The following SUGP2 variants were observed in gnomAD, a reference collection of about 807,000 sequenced individuals.
SUGP2 encodes SURP and G-patch domain containing 2.
In SUGP2, 24 loss-of-function variants were observed where a neutral mutation model predicts 90.5. The ratio of observed to expected loss-of-function variants is 0.27; its 90% confidence interval spans 0.19 to 0.37. The LOEUF (loss-of-function observed/expected upper bound fraction) is 0.37, where lower values mean the gene tolerates loss of function less well. Among genes scored for constraint, SUGP2 ranks in the 10% least tolerant of loss-of-function variants. The pLI is 1.00. For synonymous variants in SUGP2, 473 were observed against 513.4 expected, an observed-to-expected ratio of 0.92 and a Z score of 1.06; for missense variants, 1,233 against 1,363.3, an observed-to-expected ratio of 0.90 and a Z score of 1.51.
At chr19:19,016,304 C>T (rs189156479) in intron 4 of SUGP2, among the ~76,000 whole-genome samples, 1 of 152,190 alleles carries the variant, frequency 6.6e-6, no homozygotes, top group Non-Finnish European at 1.5e-5. Flanking sequence ...CCACCATGCC[C>T]GGCCGCTTAT....
chr19:19,022,670 T>C (rs1027018883), intron 3 of SUGP2, among the ~76,000 whole-genome samples: 2 of 152,134 alleles, frequency 1.3e-5, no homozygotes, highest in Admixed American at 1.3e-4. Context: ...AGGTTATCGG[T>C]GACTTTTCTT....
chr19:18,994,354 C>CT lies in SUGP2; in HGVS notation c.*11dup, dbSNP rs1200269459. On this transcript the variant is annotated intron_variant, in intron 10 of 10. Coordinates refer to ENST00000452918, the MANE Select transcript of SUGP2 (RefSeq NM_001017392.5). ...AGGGCAGACGGCCTTACACACTGGC[C>CT]TGTGAACATACCTATTTGTTGGCCC... 1.2e-6 allele frequency: 2 copies of CT among 1,613,972 alleles called. No homozygotes were observed. The highest frequency in any genetic ancestry group is 2.2e-5 in the South Asian group (2 of 91,040).
intron 4 of SUGP2, among the ~76,000 whole-genome samples, chr19:19,016,084 A>G (rs1443799974): frequency 6.6e-6 from 1 of 152,054 alleles, no homozygotes; most frequent in Non-Finnish European, 1.5e-5. Context: ...GGGTGTCAGG[A>G]GTTGGTTGAG....
intron 4 of SUGP2, among the ~76,000 whole-genome samples, chr19:19,011,668 G>T (rs2058317419): frequency 6.6e-6 from 1 of 152,090 alleles, no homozygotes; most frequent in Non-Finnish European, 1.5e-5. Context: ...TGAATTTCCT[G>T]GGTGTGCTGT....
intron 8 of SUGP2, among the ~76,000 whole-genome samples, chr19:18,996,017 A>T (rs2057566137): frequency 6.6e-6 from 1 of 152,022 alleles, no homozygotes; most frequent in Admixed American, 6.6e-5. Context: ...TTCACTCATG[A>T]ATATTCATGA....
intron 4 of SUGP2, among the ~76,000 whole-genome samples, chr19:19,018,883 G>A (rs1238868452): frequency 6.6e-6 from 1 of 152,154 alleles, no homozygotes; most frequent in Non-Finnish European, 1.5e-5. Flanking sequence ...TGGAGCTGTA[G>A]TCACAGGTGA....
At chr19:19,026,488 C>A (rs1054533441) in intron 2 of SUGP2, among the ~76,000 whole-genome samples, 1 of 152,192 alleles carries the variant, frequency 6.6e-6, no homozygotes, top group Non-Finnish European at 1.5e-5. Flanking sequence ...TCAACCCAGG[C>A]TGGGCAGTAG....
chr19:18,994,896 T>C, intron 9 of SUGP2: 1 of 589,106 alleles, frequency 1.7e-6, no homozygotes, highest in Non-Finnish European at 3.0e-6. Context: ...TTTATGATGG[T>C]CACAAATGTG....
Position 19,004,479 on chromosome 19 carries a change from T to C in SUGP2, c.2618A>G (p.Glu873Gly), listed in dbSNP as rs766000048. Residue 873 changes from glutamate (E) to glycine (G), a missense_variant, in exon 7 of 11, where the codon GAG (glutamate) becomes GGG (glycine). Physicochemically the swap from Glu to Gly is moderately conservative, Grantham distance 98. This residue lies in a region of SUGP2 where 540 missense variants were observed against 542.6 expected (regional missense o/e 1.00). Coordinates refer to ENST00000452918, the MANE Select transcript of SUGP2 (RefSeq NM_001017392.5). ...CCGCGGAGGGGGCTCGTCTTCAAAC[T>C]CTGCTTCCCCTTCCATGAGGTCCAC... ...SPVDLMEGEA[E>G]FEDEPPPREA... is the part of the protein sequence containing the mutation. The C allele has an allele frequency of 3.1e-6, 5 of 1,614,074 alleles. No individual in the cohort carries two copies. The South Asian group carries it at 4.4e-5, about 14-fold the overall frequency.
chr19:19,013,018 C>T (rs2058362337), intron 4 of SUGP2, among the ~76,000 whole-genome samples: 1 of 152,160 alleles, frequency 6.6e-6, no homozygotes, highest in African/African-American at 2.4e-5. Context: ...CACCCGCCAC[C>T]ACACCCAGCT....
At chr19:19,001,049 T>C (rs2145329144) in intron 8 of SUGP2, among the ~76,000 whole-genome samples, 1 of 149,276 alleles carries the variant, frequency 6.7e-6, no homozygotes, top group South Asian at 2.1e-4. Context: ...GGAGTCTCAC[T>C]CTGTCGCCCA....
At chr19:19,015,416 T>C (rs1356062149) in intron 4 of SUGP2, among the ~76,000 whole-genome samples, 1 of 152,196 alleles carries the variant, frequency 6.6e-6, no homozygotes, top group Non-Finnish European at 1.5e-5. Flanking sequence ...AATTCAAACA[T>C]GCACACCAGA....
intron 1 of SUGP2, among the ~76,000 whole-genome samples, chr19:19,031,574 G>A (rs371774992): frequency 1.2e-4 from 18 of 150,122 alleles, no homozygotes; most frequent in African/African-American, 3.2e-4. Flanking sequence ...ATGGTGGCAC[G>A]TGCCTGTAAT....
At chr19:19,006,779 G>C (rs1318231593) in intron 6 of SUGP2, among the ~76,000 whole-genome samples, 2 of 152,142 alleles carry the variant, frequency 1.3e-5, no homozygotes, top group Non-Finnish European at 2.9e-5. Context: ...TGTAAGCCTG[G>C]TCAGGCTTCC....
At chr19:19,002,258 C>A (rs1209324257) in intron 7 of SUGP2, among the ~76,000 whole-genome samples, 1 of 151,836 alleles carries the variant, frequency 6.6e-6, no homozygotes, top group African/African-American at 2.4e-5. Context: ...CGGGAGCCTG[C>A]AATCCCAGCT....
intron 8 of SUGP2, among the ~76,000 whole-genome samples, chr19:18,996,928 G>A (rs1443441030): frequency 6.6e-6 from 1 of 152,082 alleles, no homozygotes; most frequent in Non-Finnish European, 1.5e-5. Context: ...TGAGAGGGAG[G>A]GAGGAAGGTG....
chr19:18,993,730 G>T lies in SUGP2; in HGVS notation c.*11C>A, dbSNP rs1171286003. The T allele has an allele frequency of 6.6e-6, 1 of 152,390 alleles. No individual in the cohort carries two copies. The highest frequency in any genetic ancestry group is 1.5e-5 in the Non-Finnish European group (1 of 68,032). The allele number at this position is 152,390 out of a possible 1,614,324, so 9.4% of individuals were successfully genotyped here. A position where few individuals can be genotyped will look rare whatever the true frequency, so the allele number is the denominator to read the frequency against. On this transcript the variant is annotated 3_prime_UTR_variant, in exon 11 of 11. Transcript: ENST00000452918. ...GCTTCAAGGCTTATCTTTCACATCA[G>T]TGGTTTTGATCTATTCAGGAAGAGA...
rs988530720 is a variant in SUGP2 at position 19,006,215 on chromosome 19, G to T, written c.2451-1569C>A. On this transcript the variant is annotated intron_variant, in intron 6 of 10. Transcript: ENST00000452918. ...AGCTTGGGCGACAGAGTGAAATTCC[G>T]TCTCAAAAATAAATAAATAAATAAA... is the stretch of plus-strand genomic sequence containing the variant. 6.4e-5 allele frequency among the ~76,000 whole-genome samples: 7 copies of T among 108,814 alleles called. No individual in the cohort carries two copies. The South Asian group carries it at 2.7e-3, about 42-fold the overall frequency. The allele number at this position is 108,814 out of a possible 152,430, so 71.4% of individuals were successfully genotyped here.
chr19:19,011,770 G>A (rs1321743555), intron 4 of SUGP2, among the ~76,000 whole-genome samples: 17 of 152,172 alleles, frequency 1.1e-4, no homozygotes, highest in Admixed American at 1.1e-3. Flanking sequence ...GCGGAAGCAG[G>A]TGGGTCGCTT....
Sources: gnomAD v4.1 joint callset for allele counts (sites outside exome capture counted in the v4.1 genomes callset) on GRCh38, gnomAD v4.1.1 for gene constraint, gnomAD v4.1.1 regional missense constraint, MANE v1.5 for transcripts, NCBI Gene and HGNC (gene_info 2026-07-23, HGNC 2026-07-21) for gene names.